The following TAFA5 variants were observed in gnomAD, a reference collection of about 807,000 sequenced individuals.
The protein encoded by TAFA5 is TAFA chemokine like family member 5.
Under a neutral mutation model 15.3 loss-of-function variants are expected in TAFA5, and 6 were observed. The ratio of observed to expected loss-of-function variants is 0.39; its 90% CI spans 0.21 to 0.77. The LOEUF (loss-of-function observed/expected upper bound fraction) is 0.77. TAFA5 is among the 30% of genes least tolerant of loss of function. The pLI, the probability that TAFA5 is intolerant of heterozygous loss-of-function variation, is 0.41. For missense variants in TAFA5, 161 were observed against 193.1 expected, an observed-to-expected ratio of 0.83 and a Z score of 0.98; for synonymous variants, 103 against 80.7, an observed-to-expected ratio of 1.28 and a Z score of -1.48.
intron 3 of TAFA5, among the ~76,000 whole-genome samples, chr22:48,736,873 CGAG>C: frequency 6.6e-6 from 1 of 152,288 alleles, no homozygotes; most frequent in South Asian, 2.1e-4. Flanking sequence ...GCGTTGCTTT[CGAG>C]GAGATGAAGG....
At chr22:48,634,149 T>C (rs1232199347) in intron 1 of TAFA5, among the ~76,000 whole-genome samples, 3 of 141,476 alleles carry the variant, frequency 2.1e-5, no homozygotes, top group South Asian at 2.2e-4. Flanking sequence ...CACTCATTTA[T>C]TCACTCACTT....
chr22:48,639,217 G>A (rs1926586423), intron 1 of TAFA5, among the ~76,000 whole-genome samples: 2 of 149,646 alleles, frequency 1.3e-5, no homozygotes, highest in Middle Eastern at 6.8e-3. Flanking sequence ...TCCCCGTTGG[G>A]GACCTGCCCC....
chr22:48,683,236 G>GC (rs1319610626), intron 2 of TAFA5, among the ~76,000 whole-genome samples: 1 of 152,136 alleles, frequency 6.6e-6, no homozygotes, highest in Non-Finnish European at 1.5e-5. Context: ...CCTCGGACAG[G>GC]CCCGGATGTT....
intron 1 of TAFA5, among the ~76,000 whole-genome samples, chr22:48,575,348 G>A (rs1328576077): frequency 1.3e-5 from 2 of 150,628 alleles, no homozygotes; most frequent in Non-Finnish European, 3.0e-5. Flanking sequence ...GTCCCTCGCG[G>A]CCCAGTGCGC....
At chr22:48,576,499 C>G in intron 1 of TAFA5, 1 of 1,494,504 alleles carries the variant, frequency 6.7e-7, no homozygotes, top group Non-Finnish European at 9.0e-7. Context: ...CCTGAAGGCG[C>G]TCTGGGCACT....
chr22:48,621,899 C>T (rs371205414), intron 1 of TAFA5, among the ~76,000 whole-genome samples: 7 of 152,222 alleles, frequency 4.6e-5, no homozygotes, highest in East Asian at 1.9e-4. Context: ...GAGCCTGGCA[C>T]GGTTTGTGCC....
chr22:48,599,341 C>T (rs2147164007), intron 1 of TAFA5, among the ~76,000 whole-genome samples: 1 of 152,364 alleles, frequency 6.6e-6, no homozygotes, highest in East Asian at 1.9e-4. Flanking sequence ...ACTTTCCACT[C>T]TGGAGATGGC....
At position 48,722,241 on chromosome 22, in the gene TAFA5, G is replaced by A. The variant is rs147178401; in HGVS notation, c.390+14397G>A. 3.0e-3 allele frequency among the ~76,000 whole-genome samples: 452 copies of A among 152,260 alleles called. 4 individuals carry two copies. Among genetic ancestry groups the A allele is most frequent in the African/African-American group, 0.01 (421 of 41,532 alleles). On this transcript the variant is annotated intron_variant, in intron 3 of 3. Transcript: ENST00000402357. The stretch of plus-strand genomic sequence containing the variant: ...TTTAATGACCGCCATTCTAATTGGC[G>A]TGAGGTGGTATCTCATTGTTTATTG...
At chr22:48,588,416 G>A (rs1032109697) in intron 1 of TAFA5, among the ~76,000 whole-genome samples, 16 of 152,180 alleles carry the variant, frequency 1.1e-4, no homozygotes, top group African/African-American at 1.9e-4. Flanking sequence ...TGCACTGCCC[G>A]TCCTGAAAGG....
At position 48,742,990 on chromosome 22, in the gene TAFA5, C is replaced by T. The variant is rs1290857247; in HGVS notation, c.391-6849C>T. On this transcript the variant is annotated intron_variant, in intron 3 of 3. Coordinates refer to ENST00000402357, the MANE Select transcript of TAFA5 (RefSeq NM_001082967.3). The surrounding 1 kb of genome is among the most constrained non-coding windows in gnomAD (Gnocchi z 6.2). Reference sequence around the variant, plus strand: ...CCTGGGACGCAGGCTCAGCAGCCCCCGGATTCCAGTCAACATCCCCAGGAC... The same window carrying T: ...CCTGGGACGCAGGCTCAGCAGCCCCTGGATTCCAGTCAACATCCCCAGGAC... Among the ~76,000 whole-genome samples the T allele has an allele frequency of 6.6e-6, 1 of 152,172 alleles. No homozygotes were observed. Among genetic ancestry groups the T allele is most frequent in the African/African-American group, 2.4e-5 (1 of 41,444 alleles).
chr22:48,693,288 C>T (rs1441421826), intron 2 of TAFA5: 1 of 1,597,122 alleles, frequency 6.3e-7, no homozygotes, highest in Non-Finnish European at 8.5e-7. Context: ...TAATTCTGCT[C>T]CCAGAAATTT....
At chr22:48,586,401 A>C (rs1488364984) in intron 1 of TAFA5, among the ~76,000 whole-genome samples, 1 of 152,234 alleles carries the variant, frequency 6.6e-6, no homozygotes, top group Non-Finnish European at 1.5e-5. Context: ...GCAGCATGAT[A>C]CCAGGCTAGT....
chr22:48,704,028 C>A (rs61066189), intron 2 of TAFA5, among the ~76,000 whole-genome samples: 2,863 of 152,310 alleles, frequency 0.019, 74 homozygotes, highest in African/African-American at 0.051. Context: ...TCTGAGGCCC[C>A]GTTCAGCTCA....
intron 1 of TAFA5, among the ~76,000 whole-genome samples, chr22:48,581,612 C>T (rs1924045265): frequency 1.3e-5 from 2 of 152,156 alleles, no homozygotes; most frequent in African/African-American, 2.4e-5. Flanking sequence ...CCCAAGAGCC[C>T]CTGGGCCTGG....
chr22:48,699,705 G>A (rs1348666493), intron 2 of TAFA5, among the ~76,000 whole-genome samples: 1 of 152,234 alleles, frequency 6.6e-6, no homozygotes, highest in Non-Finnish European at 1.5e-5. Context: ...TCTTTCGGGT[G>A]AAGACAAGCT....
intron 3 of TAFA5, among the ~76,000 whole-genome samples, chr22:48,718,096 A>C (rs1296683200): frequency 6.6e-6 from 1 of 152,132 alleles, no homozygotes; most frequent in Non-Finnish European, 1.5e-5. Flanking sequence ...ACAGCAGGCC[A>C]CGGGCTGAGC....
intron 1 of TAFA5, among the ~76,000 whole-genome samples, chr22:48,592,042 G>A (rs1924588913): frequency 6.6e-6 from 1 of 152,136 alleles, no homozygotes; most frequent in Non-Finnish European, 1.5e-5. Context: ...TCTCTGCCTG[G>A]ACGGCAGGAG....
At chr22:48,721,404 G>A (rs1380064624) in intron 3 of TAFA5, among the ~76,000 whole-genome samples, 5 of 152,202 alleles carry the variant, frequency 3.3e-5, no homozygotes, top group Non-Finnish European at 5.9e-5. Context: ...CCCGTCCACT[G>A]TGTGTGATCT....
intron 1 of TAFA5, among the ~76,000 whole-genome samples, chr22:48,491,642 C>T (rs966866945): frequency 1.3e-5 from 2 of 152,264 alleles, no homozygotes; most frequent in Non-Finnish European, 2.9e-5. Flanking sequence ...TGTCTCAAGA[C>T]ACGCAGCGTC....
Sources: gnomAD v4.1 joint callset for allele counts (sites outside exome capture counted in the v4.1 genomes callset) on GRCh38, gnomAD v4.1.1 for gene constraint, Gnocchi (gnomAD v3.1) non-coding constraint, MANE v1.5 for transcripts, NCBI Gene and HGNC (gene_info 2026-07-23, HGNC 2026-07-21) for gene names.